The following TMC3 variants were observed in gnomAD, a reference collection of about 807,000 sequenced individuals.
The protein encoded by TMC3 is transmembrane channel-like protein 3.
Under a neutral mutation model 110.6 loss-of-function variants are expected in TMC3, and 98 were observed. The observed-to-expected ratio is 0.89, with a 90% CI of 0.75 to 1.05. The LOEUF (loss-of-function observed/expected upper bound fraction) is 1.05, where lower values mean the gene tolerates loss of function less well. Among genes scored for constraint, TMC3 ranks in the 50% least tolerant of loss-of-function variants. The pLI is 0.00. For missense variants in TMC3, 1,319 were observed against 1,373.2 expected, an observed-to-expected ratio of 0.96 and a Z score of 0.62; for synonymous variants, 489 against 513.1, an observed-to-expected ratio of 0.95 and a Z score of 0.63.
At chr15:81,356,402 C>A in intron 8 of TMC3, 45 bp downstream of exon 8, 1 of 1,542,584 alleles carries the variant, frequency 6.5e-7, no homozygotes, top group South Asian at 1.2e-5. Context: ...TGGCTCTGAC[C>A]CTGAGCTGCC....
chr15:81,345,978 G>T (rs954020399), intron 12 of TMC3, among the ~76,000 whole-genome samples: 1 of 152,176 alleles, frequency 6.6e-6, no homozygotes, highest in Non-Finnish European at 1.5e-5. Context: ...TGTTCCCCAT[G>T]AAATGATTAT....
At chr15:81,349,791 A>G (rs997528564) in intron 10 of TMC3, among the ~76,000 whole-genome samples, 6 of 139,840 alleles carry the variant, frequency 4.3e-5, no homozygotes, top group Non-Finnish European at 6.0e-5. Flanking sequence ...CTCTCCTTAA[A>G]TGTTCTGAGG....
At position 81,333,119 on chromosome 15, in the gene TMC3, C is replaced by T. The variant is rs756236513; in HGVS notation, c.2603G>A (p.Arg868His). The T allele has an allele frequency of 7.4e-6, 12 of 1,613,858 alleles. No individual in the cohort carries two copies. The highest frequency in any genetic ancestry group is 3.3e-5 in the Admixed American group (2 of 59,998). ...KDFQQINPPH[R>H]GPQASTLLAQ... ...CAGCAAAGTCGAGGCCTGTGGTCCA[C>T]GGTGAGGAGGGTTGATTTGCTGAAA... is the stretch of plus-strand genomic sequence containing the variant. The change falls in exon 22 of 22, where the codon CGT (arginine) becomes CAT (histidine). Residue 868 changes from arginine (R) to histidine (H), a missense_variant. Arg to His is a conservative substitution (Grantham distance 29). Coordinates refer to ENST00000359440, the MANE Select transcript of TMC3 (RefSeq NM_001080532.3).
intron 19 of TMC3, among the ~76,000 whole-genome samples, chr15:81,337,220 G>A (rs1293329615): frequency 1.3e-5 from 2 of 152,134 alleles, no homozygotes; most frequent in Admixed American, 6.6e-5. Context: ...CTTAAATGTG[G>A]TGCTTTGGGA....
chr15:81,362,649 G>A (rs1280294558), intron 3 of TMC3, among the ~76,000 whole-genome samples: 1 of 152,102 alleles, frequency 6.6e-6, no homozygotes, highest in Non-Finnish European at 1.5e-5. Flanking sequence ...GGTATCTCTT[G>A]CTCTTTGAGA....
chr15:81,342,587 A>G (rs573652404), intron 15 of TMC3: 1 of 152,354 alleles, frequency 6.6e-6, no homozygotes, highest in Non-Finnish European at 1.5e-5. Flanking sequence ...CAGGAGGCGT[A>G]TTACTTTGTA....
In TMC3 at chr15:81,344,746, G is replaced by A. The variant is rs376065948; in HGVS notation, c.1518+20C>T. On this transcript the variant is annotated intron_variant, in intron 13 of 21. Transcript: ENST00000359440. ...GATGAGATGGATATGACAGAGCTTT[G>A]TAAGGGTAAAGAGAACCACCTGACC... The A allele has an allele frequency of 1.1e-5, 17 of 1,611,724 alleles. 1 individual carries two copies. The Middle Eastern group carries it at 1.5e-3, about 139-fold the overall frequency.
In TMC3 at chr15:81,332,133, T is replaced by G. The variant is rs1893475266; in HGVS notation, c.*286A>C. 2.9e-6 allele frequency: 1 copy of G among 346,742 alleles called. No individual in the cohort carries two copies. Among genetic ancestry groups the G allele is most frequent in the African/African-American group, 2.1e-5 (1 of 47,538 alleles). The allele number at this position is 346,742 out of a possible 1,614,324, so 21.5% of individuals were successfully genotyped here. A position where few individuals can be genotyped will look rare whatever the true frequency, so the allele number is the denominator to read the frequency against. ...TCTGTCTTGAGCCCCTCTGCCAAATTCTTTCTTCCGAGGAGGCAAGTATTG... is the reference window on the plus strand; with the variant it reads ...TCTGTCTTGAGCCCCTCTGCCAAATGCTTTCTTCCGAGGAGGCAAGTATTG... On this transcript the variant is annotated 3_prime_UTR_variant, in exon 22 of 22. Transcript: ENST00000359440.
intron 9 of TMC3, among the ~76,000 whole-genome samples, chr15:81,355,027 T>A (rs1028528374): frequency 6.6e-6 from 1 of 152,142 alleles, no homozygotes; most frequent in Non-Finnish European, 1.5e-5. Context: ...CCATGTCTTC[T>A]GACTCCCTAT....
chr15:81,361,467 T>A (rs1218298460), intron 4 of TMC3, among the ~76,000 whole-genome samples: 1 of 152,248 alleles, frequency 6.6e-6, no homozygotes. Context: ...GCTTCAATTG[T>A]TGTACCTTTA....
chr15:81,369,802 T>C (rs1894395288), intron 2 of TMC3, among the ~76,000 whole-genome samples: 1 of 152,150 alleles, frequency 6.6e-6, no homozygotes, highest in Non-Finnish European at 1.5e-5. Context: ...GGCACATGAC[T>C]GCAGTCCCAG....
chr15:81,356,846 C>T (rs1309901103), intron 7 of TMC3, among the ~76,000 whole-genome samples: 1 of 152,234 alleles, frequency 6.6e-6, no homozygotes, highest in Non-Finnish European at 1.5e-5. Context: ...AGGACTCCCA[C>T]CACTGTGGTG....
chr15:81,366,518 A>G (rs1041605699), intron 3 of TMC3, among the ~76,000 whole-genome samples: 2 of 152,212 alleles, frequency 1.3e-5, no homozygotes, highest in African/African-American at 4.8e-5. Context: ...TGAGTTTACT[A>G]TTGCTAAAAG....
rs1894109831 is a variant in TMC3 at position 81,358,307 on chromosome 15, T to A, written c.601-16A>T. ...GGAGGTAGCCCTGCAAAGAAAACACTCAGTGTCATTTCTGCTTCCCGTTCC... is the reference window on the plus strand; with the variant it reads ...GGAGGTAGCCCTGCAAAGAAAACACACAGTGTCATTTCTGCTTCCCGTTCC... On this transcript the variant is annotated splice_polypyrimidine_tract_variant and intron_variant, in intron 6 of 21. Coordinates refer to ENST00000359440, the MANE Select transcript of TMC3 (RefSeq NM_001080532.3). The A allele has an allele frequency of 3.1e-6, 5 of 1,600,162 alleles. No individual in the cohort carries two copies. The highest frequency in any genetic ancestry group is 3.4e-6 in the Non-Finnish European group (4 of 1,171,970).
At chr15:81,371,648 G>A (rs1220613878) in intron 2 of TMC3, among the ~76,000 whole-genome samples, 1 of 152,184 alleles carries the variant, frequency 6.6e-6, no homozygotes, top group African/African-American at 2.4e-5. Flanking sequence ...CACTCTTAGT[G>A]AGTGACTGTT....
At chr15:81,351,576 T>G (rs1229601504) in intron 10 of TMC3, 118 bp downstream of exon 10, 4 of 1,308,872 alleles carry the variant, frequency 3.1e-6, no homozygotes, top group Non-Finnish European at 1.0e-6. Context: ...GGGCTGGAAC[T>G]CCTGACCTCA....
At chr15:81,349,974 A>G (rs2141706313) in intron 10 of TMC3, among the ~76,000 whole-genome samples, 1 of 150,532 alleles carries the variant, frequency 6.6e-6, no homozygotes, top group East Asian at 1.9e-4. Context: ...AAAAAAAAAA[A>G]GCTGGCATAT....
rs192270744 is a variant in TMC3, at chr15:81,339,351, A to G, written c.1955+43T>C. ...CAGTTCAATATGATCTAATTCCCTT[A>G]CAGCTGTCAGTCACTCCGGGCAGAG... On this transcript the variant is annotated intron_variant, in intron 17 of 21. Coordinates refer to ENST00000359440, the MANE Select transcript of TMC3 (RefSeq NM_001080532.3). The G allele has an allele frequency of 3.4e-4, 478 of 1,392,744 alleles. 4 individuals carry two copies. The African/African-American group carries it at 6.3e-3, about 18-fold the overall frequency. The allele number at this position is 1,392,744 out of a possible 1,614,324, so 86.3% of individuals were successfully genotyped here.
In TMC3 at chr15:81,372,634, G is replaced by C; in HGVS notation, c.193C>G (p.Arg65Gly). The C allele has an allele frequency of 6.2e-7, 1 of 1,613,830 alleles. No individual in the cohort carries two copies. The highest frequency in any genetic ancestry group is 8.5e-7 in the Non-Finnish European group (1 of 1,179,872). Reference sequence around the variant, plus strand: ...TGTCCCATAGTCCAGGGTCTGCAGCGAATGTTTGCCATGAGATCTTTCTGG... The same window carrying C: ...TGTCCCATAGTCCAGGGTCTGCAGCCAATGTTTGCCATGAGATCTTTCTGG... ...QFQKDLMANI[R>G]CRPWTMGQKL... The change falls in exon 2 of 22, where the codon CGC (arginine) becomes GGC (glycine). Residue 65 changes from arginine to glycine, a missense_variant. By Grantham distance (125) the Arg-to-Gly change is moderately radical. Coordinates refer to ENST00000359440, the MANE Select transcript of TMC3 (RefSeq NM_001080532.3).
Sources: gnomAD v4.1 joint callset for allele counts (sites outside exome capture counted in the v4.1 genomes callset) on GRCh38, gnomAD v4.1.1 for gene constraint, MANE v1.5 for transcripts, NCBI Gene and HGNC (gene_info 2026-07-23, HGNC 2026-07-21) for gene names.